The following NRXN1 variants were observed in gnomAD, a reference collection of about 807,000 sequenced individuals.
NRXN1 encodes the protein neurexin-1.
Under a neutral mutation model 150.9 loss-of-function variants are expected in NRXN1, and 39 were observed. That is an observed-to-expected ratio of 0.26 (90% confidence interval 0.20 to 0.34). The LOEUF is 0.34. Among genes scored for constraint, NRXN1 ranks in the 10% least tolerant of loss-of-function variants. The pLI is 1.00. For missense variants in NRXN1, 1,815 were observed against 1,949.9 expected (o/e 0.93, Z 1.30); for synonymous variants, 924 against 757.0 (o/e 1.22, Z -3.62).
chr2:50,037,108 C>A (rs1352866381), intron 21 of NRXN1, among the ~76,000 whole-genome samples: 1 of 151,862 alleles, frequency 6.6e-6, no homozygotes, highest in South Asian at 2.1e-4. Context: ...GTATTTTAAT[C>A]CAGCTTAAAC....
chr2:50,769,152 C>G (rs1335678782), intron 5 of NRXN1, among the ~76,000 whole-genome samples: 2 of 152,034 alleles, frequency 1.3e-5, no homozygotes, highest in Admixed American at 1.3e-4. Context: ...TTTCTGGGTT[C>G]TGCTTAAGAC....
chr2:50,999,800 G>C (rs1699806146), intron 2 of NRXN1, among the ~76,000 whole-genome samples: 1 of 151,884 alleles, frequency 6.6e-6, no homozygotes, highest in Non-Finnish European at 1.5e-5. Flanking sequence ...CAAAGTATGT[G>C]CTAACATTAA....
chr2:50,096,419 C>A (rs1475755644), intron 18 of NRXN1, among the ~76,000 whole-genome samples: 1 of 152,186 alleles, frequency 6.6e-6, no homozygotes, highest in Non-Finnish European at 1.5e-5. Context: ...ACGTGCTAAA[C>A]TTTCTTGCCA....
chr2:50,415,515 G>T (rs11894524), intron 17 of NRXN1, among the ~76,000 whole-genome samples: 35,904 of 152,110 alleles, frequency 0.24, 5,494 homozygotes, highest in African/African-American at 0.42. Flanking sequence ...GCTGCATAGA[G>T]TCTGCAAATG....
chr2:50,479,993 C>A (rs1573166498), intron 15 of NRXN1, among the ~76,000 whole-genome samples: 2 of 152,158 alleles, frequency 1.3e-5, no homozygotes, highest in African/African-American at 4.8e-5. Context: ...AGGCTAGTCT[C>A]AAACTCCTGA....
At chr2:50,396,567 T>C (rs573471012) in intron 17 of NRXN1, among the ~76,000 whole-genome samples, 20 of 152,116 alleles carry the variant, frequency 1.3e-4, no homozygotes, top group Non-Finnish European at 2.5e-4. Flanking sequence ...TTATGAGGAA[T>C]TGTGGTCAAA....
intron 17 of NRXN1, among the ~76,000 whole-genome samples, chr2:50,254,392 G>GT (rs574819185): frequency 2.0e-4 from 30 of 151,172 alleles, no homozygotes; most frequent in African/African-American, 7.3e-4. Flanking sequence ...TTTTTGAAGA[G>GT]TTTTTTTGTG....
At chr2:50,283,355 T>C (rs1054499614) in intron 17 of NRXN1, among the ~76,000 whole-genome samples, 11 of 152,328 alleles carry the variant, frequency 7.2e-5, no homozygotes, top group Admixed American at 3.9e-4. Flanking sequence ...GTTAAAAGTA[T>C]TTTTATGCAA....
At chr2:50,939,014 A>T (rs1203715469) in intron 2 of NRXN1, among the ~76,000 whole-genome samples, 5 of 152,054 alleles carry the variant, frequency 3.3e-5, no homozygotes, top group Non-Finnish European at 7.4e-5. Context: ...GATCGAGACC[A>T]TCCTGGTTAA....
At chr2:50,818,193 T>G (rs943484584) in intron 5 of NRXN1, among the ~76,000 whole-genome samples, 25 of 99,440 alleles carry the variant, frequency 2.5e-4, no homozygotes, top group Admixed American at 4.9e-4. Context: ...AAAACAATTG[T>G]TTTTTTTTTT....
chr2:49,948,390 A>G (rs1673333904), intron 21 of NRXN1, among the ~76,000 whole-genome samples: 1 of 152,104 alleles, frequency 6.6e-6, no homozygotes, highest in African/African-American at 2.4e-5. Flanking sequence ...TACAGTAGAA[A>G]AAAATAACTA....
chr2:50,423,803 T>G (rs1184230066), intron 17 of NRXN1, among the ~76,000 whole-genome samples: 1 of 152,060 alleles, frequency 6.6e-6, no homozygotes, highest in African/African-American at 2.4e-5. Context: ...GATTGCCAGA[T>G]GTCAGGAAAG....
At chr2:51,031,092 A>G (rs1340252165) in intron 1 of NRXN1, among the ~76,000 whole-genome samples, 5 of 152,222 alleles carry the variant, frequency 3.3e-5, no homozygotes, top group East Asian at 1.9e-4. Context: ...CAGGGAGGTT[A>G]ACTGGTTTTC....
At chr2:50,758,537 G>T (rs1285368821) in intron 5 of NRXN1, among the ~76,000 whole-genome samples, 1 of 151,698 alleles carries the variant, frequency 6.6e-6, no homozygotes, top group African/African-American at 2.4e-5. Context: ...TAAACTCCTG[G>T]GCTCAAGCAA....
chr2:50,850,394 T>C (rs116383972), intron 5 of NRXN1, among the ~76,000 whole-genome samples: 2,190 of 152,276 alleles, frequency 0.014, 27 homozygotes, highest in Non-Finnish European at 0.022. Context: ...ATTTTTCTTC[T>C]CTGGAACTCA....
chr2:50,492,484 A>C (rs1472309143), intron 15 of NRXN1, among the ~76,000 whole-genome samples: 2 of 152,210 alleles, frequency 1.3e-5, no homozygotes, highest in Non-Finnish European at 2.9e-5. Context: ...TCTACACTAA[A>C]GTCCTGTTCC....
intron 5 of NRXN1, among the ~76,000 whole-genome samples, chr2:50,831,944 G>A (rs1395870303): frequency 2.0e-5 from 3 of 152,116 alleles, no homozygotes; most frequent in East Asian, 1.9e-4. Flanking sequence ...TAGCAGTGGC[G>A]GGCAAGCAAA....
chr2:50,169,132 G>A (rs2059863223), intron 18 of NRXN1, among the ~76,000 whole-genome samples: 1 of 152,096 alleles, frequency 6.6e-6, no homozygotes, highest in African/African-American at 2.4e-5. Flanking sequence ...CCATAATGTT[G>A]GGTGGAAGCT....
At chr2:50,967,161 G>A (rs1326876100) in intron 2 of NRXN1, among the ~76,000 whole-genome samples, 3 of 151,642 alleles carry the variant, frequency 2.0e-5, no homozygotes, top group Non-Finnish European at 2.9e-5. Context: ...AATAGGCTGT[G>A]GCCTTTTGTT....
Sources: gnomAD v4.1 joint callset for allele counts (sites outside exome capture counted in the v4.1 genomes callset) on GRCh38, gnomAD v4.1.1 for gene constraint, MANE v1.5 for transcripts, NCBI Gene and HGNC (gene_info 2026-07-23, HGNC 2026-07-21) for gene names.